CSMD1: variants seen among roughly 807,000 people sequenced by gnomAD.
CSMD1 encodes the protein CUB and sushi domain-containing protein 1.
Under a neutral mutation model 417.5 loss-of-function variants are expected in CSMD1, and 213 were observed. The ratio of observed to expected loss-of-function variants is 0.51; its 90% CI spans 0.46 to 0.57. The LOEUF is 0.57. Among genes scored for constraint, CSMD1 ranks in the 20% least tolerant of loss-of-function variants. CSMD1 has a pLI of 0.00. For synonymous variants in CSMD1, 2,862 were observed against 1,736.8 expected (o/e 1.65, Z -16.11); for missense variants, 6,923 against 4,529.7 (o/e 1.53, Z -15.17).
At chr8:3,214,189 C>G (rs998737337) in intron 30 of CSMD1, among the ~76,000 whole-genome samples, 2 of 151,868 alleles carry the variant, frequency 1.3e-5, no homozygotes, top group African/African-American at 2.4e-5. Flanking sequence ...AGAGAAGTAA[C>G]TAGAGAAGGC....
chr8:3,161,115 T>A (rs1819864383), intron 38 of CSMD1, among the ~76,000 whole-genome samples: 1 of 152,198 alleles, frequency 6.6e-6, no homozygotes, highest in Non-Finnish European at 1.5e-5. Flanking sequence ...CCTATATATT[T>A]CTCCTGACTT....
chr8:3,188,687 A>ATT (rs201389933), intron 35 of CSMD1, among the ~76,000 whole-genome samples, 200 bp downstream of exon 35: 20,949 of 152,046 alleles, frequency 0.14, 1,814 homozygotes, highest in Admixed American at 0.21. Context: ...ATATAGAAAA[A>ATT]TGGTTAGAAA....
intron 21 of CSMD1, among the ~76,000 whole-genome samples, chr8:3,352,531 G>C (rs541429089): frequency 6.6e-6 from 1 of 152,128 alleles, no homozygotes; most frequent in Non-Finnish European, 1.5e-5. Context: ...CTTACACAGT[G>C]CATGTTCTTA....
chr8:3,153,383 T>C (rs1450448452), intron 39 of CSMD1, among the ~76,000 whole-genome samples: 1 of 152,208 alleles, frequency 6.6e-6, no homozygotes, highest in Non-Finnish European at 1.5e-5. Context: ...CTTTTGTTCC[T>C]TTACTTTCTT....
intron 46 of CSMD1, among the ~76,000 whole-genome samples, chr8:3,103,739 CTTTT>C (rs35949402): frequency 0.017 from 2,173 of 124,182 alleles, 47 homozygotes; most frequent in African/African-American, 0.057. Flanking sequence ...AATCAAATTC[CTTTT>C]TTTTTTAAAA....
intron 5 of CSMD1, among the ~76,000 whole-genome samples, chr8:3,785,273 C>T (rs751986012): frequency 2.5e-4 from 38 of 152,276 alleles, no homozygotes; most frequent in Non-Finnish European, 4.4e-4. Context: ...AAAGCAAGCA[C>T]GACAGAAGCA....
chr8:4,447,847 TA>T (rs35163425), intron 2 of CSMD1, among the ~76,000 whole-genome samples: 1 of 152,194 alleles, frequency 6.6e-6, no homozygotes, highest in African/African-American at 2.4e-5. Flanking sequence ...GTGATAAACT[TA>T]AAAAAGTGTA....
intron 3 of CSMD1, among the ~76,000 whole-genome samples, chr8:4,244,770 A>T (rs1398528590): frequency 6.6e-6 from 1 of 152,176 alleles, no homozygotes. Flanking sequence ...ACTTAAAGAA[A>T]AAGAGAAGGG....
chr8:3,516,318 G>A (rs1269260865), intron 10 of CSMD1, among the ~76,000 whole-genome samples: 1 of 152,158 alleles, frequency 6.6e-6, no homozygotes, highest in Non-Finnish European at 1.5e-5. Flanking sequence ...ATCCAAAGAA[G>A]GTCAACATAG....
intron 3 of CSMD1, among the ~76,000 whole-genome samples, chr8:4,402,014 A>C (rs11136741): frequency 0.94 from 143,191 of 152,160 alleles, 67,489 homozygotes; most frequent in East Asian, 1. Flanking sequence ...TGCTGCTACC[A>C]CTGTTATAAT....
intron 10 of CSMD1, among the ~76,000 whole-genome samples, chr8:3,557,201 G>A (rs1352054091): frequency 2.0e-5 from 3 of 152,142 alleles, no homozygotes; most frequent in South Asian, 2.1e-4. Context: ...TTGTTTCTCT[G>A]GATATGTATT....
intron 3 of CSMD1, among the ~76,000 whole-genome samples, chr8:4,382,018 T>C (rs1248451278): frequency 6.6e-6 from 1 of 152,168 alleles, no homozygotes; most frequent in Non-Finnish European, 1.5e-5. Flanking sequence ...GGAAATGGTA[T>C]AGCTGGGGTC....
intron 6 of CSMD1, among the ~76,000 whole-genome samples, chr8:3,715,523 C>G (rs35247660): frequency 0.52 from 79,403 of 151,664 alleles, 20,829 homozygotes; most frequent in Admixed American, 0.59. Flanking sequence ...CAAACTAAGA[C>G]AAAGCAAGCA....
chr8:4,811,669 T>C (rs565469907), intron 1 of CSMD1, among the ~76,000 whole-genome samples: 31 of 152,144 alleles, frequency 2.0e-4, no homozygotes, highest in Non-Finnish European at 3.8e-4. Context: ...GTTGAAATGA[T>C]TTCTATTGGC....
intron 8 of CSMD1, among the ~76,000 whole-genome samples, chr8:3,609,943 G>A (rs2449242): frequency 0.73 from 109,375 of 150,290 alleles, 40,219 homozygotes; most frequent in Middle Eastern, 0.82. Flanking sequence ...CTGGGACTAC[G>A]GGCGCACACC....
At position 3,255,251 on chromosome 8, in the gene CSMD1, C is replaced by T. The variant is rs56092017; in HGVS notation, c.4154-25020G>A. ...TGGAAGTTTTTCTCAGGGGTGTACC[C>T]AGCCGTGTGAGGTGTCAGTCTGCCC... On this transcript the variant is annotated intron_variant, in intron 26 of 69. Coordinates refer to ENST00000635120, the MANE Select transcript of CSMD1 (RefSeq NM_033225.6). Among the ~76,000 whole-genome samples, 347 of 151,924 alleles carry T rather than the reference C, an allele frequency of 2.3e-3. 1 individual carries two copies. The highest frequency in any genetic ancestry group is 3.6e-3 in the Non-Finnish European group (243 of 68,006).
intron 3 of CSMD1, among the ~76,000 whole-genome samples, chr8:4,164,548 A>G (rs1797346644): frequency 1.3e-5 from 2 of 152,170 alleles, no homozygotes; most frequent in African/African-American, 4.8e-5. Context: ...GCTGTTGTAT[A>G]AGCCACCAAG....
chr8:4,387,144 C>CT (rs1563120224), intron 3 of CSMD1, among the ~76,000 whole-genome samples: 1 of 152,160 alleles, frequency 6.6e-6, no homozygotes, highest in Non-Finnish European at 1.5e-5. Context: ...AAGGAAATTT[C>CT]TTAATTTGGA....
At chr8:3,833,366 C>A (rs1185258624) in intron 5 of CSMD1, among the ~76,000 whole-genome samples, 1 of 152,070 alleles carries the variant, frequency 6.6e-6, no homozygotes, top group Non-Finnish European at 1.5e-5. Context: ...AACGGCATTT[C>A]CTCACCTCCT....
Sources: gnomAD v4.1 joint callset for allele counts (sites outside exome capture counted in the v4.1 genomes callset) on GRCh38, gnomAD v4.1.1 for gene constraint, MANE v1.5 for transcripts, NCBI Gene and HGNC (gene_info 2026-07-23, HGNC 2026-07-21) for gene names.